Variants in PALM2AKAP2 observed in about 807,000 individuals in gnomAD.
PALM2AKAP2 encodes the protein PALM2-AKAP2 fusion protein.
A neutral mutation model predicts 71.5 loss-of-function variants in PALM2AKAP2; 37 were observed. The ratio of observed to expected loss-of-function variants is 0.52; its 90% CI spans 0.40 to 0.68. PALM2AKAP2 has a LOEUF of 0.68. Among genes scored for constraint, PALM2AKAP2 ranks in the 30% least tolerant of loss-of-function variants. The pLI is 0.00. For missense variants in PALM2AKAP2, 1,224 were observed against 1,191.8 expected (o/e 1.03, Z -0.40); for synonymous variants, 468 against 478.8 (o/e 0.98, Z 0.29).
At chr9:110,132,962 T>C (rs1184507627) in intron 1 of PALM2AKAP2, among the ~76,000 whole-genome samples, 1 of 152,234 alleles carries the variant, frequency 6.6e-6, no homozygotes, top group Non-Finnish European at 1.5e-5. Flanking sequence ...ACAGAAGACA[T>C]AACTACTTGT....
chr9:109,830,664 G>C (rs964429467), intron 1 of PALM2AKAP2, among the ~76,000 whole-genome samples: 1 of 152,198 alleles, frequency 6.6e-6, no homozygotes, highest in East Asian at 1.9e-4. Context: ...CCTGGCTTGG[G>C]ATAACAGAAT....
At chr9:109,867,655 T>C (rs1209761750) in intron 2 of PALM2AKAP2, 84 bp downstream of exon 2, 2 of 1,462,712 alleles carry the variant, frequency 1.4e-6, no homozygotes, top group Non-Finnish European at 9.1e-7. Context: ...TGCCCTGCCG[T>C]GAAGGCGCTG....
At chr9:109,693,515 T>C (rs1827927319) in intron 1 of PALM2AKAP2, among the ~76,000 whole-genome samples, 1 of 151,998 alleles carries the variant, frequency 6.6e-6, no homozygotes, top group Non-Finnish European at 1.5e-5. Context: ...TACTTTTTAA[T>C]TCTGGTCCCG....
intron 2 of PALM2AKAP2, among the ~76,000 whole-genome samples, chr9:110,142,336 GC>G (rs1836055877): frequency 6.6e-6 from 1 of 151,920 alleles, no homozygotes; most frequent in South Asian, 2.1e-4. Flanking sequence ...CAGGTGATCC[GC>G]CCGCCTTGGC....
rs567298449 is a variant in PALM2AKAP2 at position 110,009,120 on chromosome 9, A to T, written c.497-6834A>T. On this transcript the variant is annotated intron_variant, in intron 6 of 9. Transcript: ENST00000302798. ...CGAGAGCAAATTTCCACTCTCTTGC[A>T]CATTCGGGTCCATTCAGACTTGTCT... Among the ~76,000 whole-genome samples the T allele has an allele frequency of 3.8e-4, 58 of 152,274 alleles. 1 individual carries two copies. The South Asian group carries it at 0.012, about 32-fold the overall frequency.
chr9:110,084,037 T>A (rs1488182901), intron 1 of PALM2AKAP2, among the ~76,000 whole-genome samples: 2 of 152,242 alleles, frequency 1.3e-5, no homozygotes, highest in East Asian at 3.8e-4. Flanking sequence ...TCCTGAAGCA[T>A]GCCAGAGGCT....
At chr9:109,946,063 G>A (rs192829635) in intron 6 of PALM2AKAP2, 3 of 152,276 alleles carry the variant, frequency 2.0e-5, no homozygotes, top group East Asian at 3.9e-4. Flanking sequence ...TTTGAATATG[G>A]CGCATATATT....
intron 6 of PALM2AKAP2, among the ~76,000 whole-genome samples, chr9:109,964,378 C>G (rs1321700768): frequency 6.6e-6 from 1 of 152,182 alleles, no homozygotes; most frequent in Non-Finnish European, 1.5e-5. Context: ...CTACTGCAGG[C>G]AGAGGCAGAG....
At chr9:109,948,272 G>A (rs779991384) in intron 6 of PALM2AKAP2, among the ~76,000 whole-genome samples, 12 of 152,118 alleles carry the variant, frequency 7.9e-5, no homozygotes, top group Non-Finnish European at 1.3e-4. Flanking sequence ...ATAGAATAAA[G>A]ACTACAAAGG....
At chr9:109,741,082 T>C (rs982252115) in intron 1 of PALM2AKAP2, among the ~76,000 whole-genome samples, 1 of 152,250 alleles carries the variant, frequency 6.6e-6, no homozygotes, top group Non-Finnish European at 1.5e-5. Flanking sequence ...CATGCAAACC[T>C]AGACATAGAG....
chr9:109,898,833 GC>G (rs1830264737), intron 3 of PALM2AKAP2, among the ~76,000 whole-genome samples: 1 of 152,110 alleles, frequency 6.6e-6, no homozygotes, highest in Admixed American at 6.5e-5. Flanking sequence ...CTATTTAGGG[GC>G]TAAGTGCAAA....
chr9:110,025,702 T>G (rs1564266764), intron 7 of PALM2AKAP2, among the ~76,000 whole-genome samples: 1 of 152,232 alleles, frequency 6.6e-6, no homozygotes, highest in Non-Finnish European at 1.5e-5. Flanking sequence ...CAACACTTAC[T>G]ACTGTCCATC....
chr9:110,023,282 G>T, intron 7 of PALM2AKAP2, among the ~76,000 whole-genome samples: 1 of 145,754 alleles, frequency 6.9e-6, no homozygotes. Flanking sequence ...TAACTGGTGT[G>T]AGATGGTATC....
intron 1 of PALM2AKAP2, among the ~76,000 whole-genome samples, chr9:109,641,560 AGGAT>A (rs1827070213): frequency 6.6e-6 from 1 of 152,200 alleles, no homozygotes; most frequent in South Asian, 2.1e-4. Context: ...GGTCTGGTCT[AGGAT>A]TCCTCTCTTC....
At chr9:109,934,858 A>G (rs1831186024) in intron 6 of PALM2AKAP2, among the ~76,000 whole-genome samples, 1 of 152,378 alleles carries the variant, frequency 6.6e-6, no homozygotes, top group Non-Finnish European at 1.5e-5. Context: ...AAGGACCTAC[A>G]GAATTCTTTT....
At chr9:109,678,535 TTAC>T (rs1230806635) in intron 1 of PALM2AKAP2, among the ~76,000 whole-genome samples, 4 of 152,238 alleles carry the variant, frequency 2.6e-5, no homozygotes, top group Non-Finnish European at 5.9e-5. Context: ...AAAGCACTTG[TTAC>T]TAGGAGATAA....
rs1190367560 is a variant in PALM2AKAP2, at chr9:109,782,774, G to A, written c.45+2241G>A. Among the ~76,000 whole-genome samples, 5 of 150,114 alleles carry A rather than the reference G, an allele frequency of 3.3e-5. No homozygotes were observed. In the East Asian group the frequency reaches 5.8e-4, roughly 17 times the overall value. On this transcript the variant is annotated intron_variant, in intron 1 of 9. Transcript: ENST00000302798. ...TGTGTGTGTGTGTGTGTGTGTGTGT[G>A]TGTATGTGTGTGTGAGAGAGAGAGC...
In PALM2AKAP2 at chr9:110,053,994, G is replaced by A. The variant is rs144635564; in HGVS notation, c.156+5139G>A. Among the ~76,000 whole-genome samples, 546 of 152,322 alleles carry A rather than the reference G, an allele frequency of 3.6e-3. 14 individuals carry two copies. Among genetic ancestry groups the A allele is most frequent in the Non-Finnish European group, 2.2e-3 (152 of 68,040 alleles). Reference sequence around the variant, plus strand: ...GCCAAATACGCAGATATTGTGGTGCGCCCTTTATCCAGAACCAGGGCATGG... The same window carrying A: ...GCCAAATACGCAGATATTGTGGTGCACCCTTTATCCAGAACCAGGGCATGG... On this transcript the variant is annotated intron_variant, in intron 1 of 3. Transcript: ENST00000374525.
At chr9:109,847,793 G>A (rs1346077956) in intron 1 of PALM2AKAP2, 1 of 152,204 alleles carries the variant, frequency 6.6e-6, no homozygotes, top group Non-Finnish European at 1.5e-5. Flanking sequence ...GGTTATTTGT[G>A]TAGCAGCCCT....
Sources: gnomAD v4.1 joint callset for allele counts (sites outside exome capture counted in the v4.1 genomes callset) on GRCh38, gnomAD v4.1.1 for gene constraint, MANE v1.5 for transcripts, NCBI Gene and HGNC (gene_info 2026-07-23, HGNC 2026-07-21) for gene names.